The following NXPE2 variants were observed in gnomAD, a reference collection of about 807,000 sequenced individuals.
The protein encoded by NXPE2 is NXPE family member 2.
In NXPE2, 34 loss-of-function variants were observed where a neutral mutation model predicts 34.4. That is an observed-to-expected ratio of 0.99 (90% confidence interval 0.75 to 1.31). NXPE2 has a LOEUF of 1.31. NXPE2 is among the 40% of genes most tolerant of loss of function. The pLI is 0.00. For missense variants in NXPE2, 649 were observed against 672.5 expected, an observed-to-expected ratio of 0.97 and a Z score of 0.39; for synonymous variants, 235 against 231.3, an observed-to-expected ratio of 1.02 and a Z score of -0.15.
chr11:114,685,780 G>A (rs531371153), intron 2 of NXPE2, among the ~76,000 whole-genome samples: 2 of 152,186 alleles, frequency 1.3e-5, no homozygotes, highest in Admixed American at 1.3e-4. Flanking sequence ...CTAATTTTAA[G>A]GGTCTAGCAC....
At chr11:114,484,272 G>A in the NXPE2 span, among the ~76,000 whole-genome samples, 4 of 152,200 alleles carry the variant, frequency 2.6e-5, no homozygotes, top group African/African-American at 9.7e-5. Context: ...AGTGGAAAGT[G>A]AAATTCAAGT....
chr11:114,507,155 C>G, the NXPE2 span, among the ~76,000 whole-genome samples: 1 of 151,660 alleles, frequency 6.6e-6, no homozygotes, highest in East Asian at 1.9e-4. Flanking sequence ...CACATACACA[C>G]TCCCAAGACT....
the NXPE2 span, among the ~76,000 whole-genome samples, chr11:114,550,912 A>G: frequency 6.6e-6 from 1 of 152,162 alleles, no homozygotes; most frequent in Admixed American, 6.5e-5. Context: ...ACTGAGGATG[A>G]ATGGGAAATG....
chr11:114,657,713 T>C, the NXPE2 span, among the ~76,000 whole-genome samples: 24 of 152,156 alleles, frequency 1.6e-4, no homozygotes, highest in Non-Finnish European at 2.9e-4. Flanking sequence ...AAATAGTCCA[T>C]AGATCATAAA....
chr11:114,571,419 A>G, the NXPE2 span: 17,604 of 1,612,114 alleles, frequency 0.011, 122 homozygotes, highest in Non-Finnish European at 0.014. Context: ...ATCCAAATCC[A>G]CAGCAAGCTG....
chr11:114,666,124 A>G, the NXPE2 span, among the ~76,000 whole-genome samples: 1 of 152,130 alleles, frequency 6.6e-6, no homozygotes, highest in African/African-American at 2.4e-5. Flanking sequence ...ATCTTTAGAC[A>G]GCCATGCCAT....
At chr11:114,701,917 G>T (rs982846404) in intron 3 of NXPE2, among the ~76,000 whole-genome samples, 4 of 152,162 alleles carry the variant, frequency 2.6e-5, no homozygotes, top group South Asian at 4.1e-4. Context: ...CTGAATGCAG[G>T]ACTTAAGCAT....
At chr11:114,769,993 T>C in the NXPE2 span, among the ~76,000 whole-genome samples, 3 of 152,108 alleles carry the variant, frequency 2.0e-5, no homozygotes, top group African/African-American at 2.4e-5. Flanking sequence ...ACCTGGAACA[T>C]AATAATTTGT....
At chr11:114,570,627 C>T in the NXPE2 span, 1 of 195,186 alleles carries the variant, frequency 5.1e-6, no homozygotes, top group Non-Finnish European at 1.0e-5. Context: ...ATTACTTTAT[C>T]ACTCTGAGTT....
chr11:114,709,406 T>G (rs1859568520), downstream of NXPE2, among the ~76,000 whole-genome samples: 1 of 152,214 alleles, frequency 6.6e-6, no homozygotes, highest in Admixed American at 6.5e-5. Context: ...TTACTTCTTG[T>G]TTATTTTTTA....
chr11:114,741,975 A>G, the NXPE2 span, among the ~76,000 whole-genome samples: 1 of 152,108 alleles, frequency 6.6e-6, no homozygotes, highest in Non-Finnish European at 1.5e-5. Context: ...ACCTTTGCCA[A>G]TCAGCCCAAC....
At chr11:114,499,614 AT>A in the NXPE2 span, among the ~76,000 whole-genome samples, 1 of 152,180 alleles carries the variant, frequency 6.6e-6, no homozygotes, top group Non-Finnish European at 1.5e-5. Context: ...AATTAGATGA[AT>A]TTTTTAATGA....
the NXPE2 span, among the ~76,000 whole-genome samples, chr11:114,757,572 C>A: frequency 1.3e-5 from 2 of 152,068 alleles, no homozygotes; most frequent in African/African-American, 4.8e-5. Flanking sequence ...ATATTGTTAC[C>A]CCCATTAGTG....
the NXPE2 span, among the ~76,000 whole-genome samples, chr11:114,774,781 G>A: frequency 6.6e-6 from 1 of 152,128 alleles, no homozygotes; most frequent in Non-Finnish European, 1.5e-5. Context: ...TGCAAGGCGT[G>A]GAGAGAAGCC....
chr11:114,620,250 T>A, the NXPE2 span, among the ~76,000 whole-genome samples: 1 of 152,128 alleles, frequency 6.6e-6, no homozygotes. Context: ...TAATAATTAT[T>A]GCCTCGTGGG....
At chr11:114,590,389 C>G in the NXPE2 span, among the ~76,000 whole-genome samples, 1 of 152,170 alleles carries the variant, frequency 6.6e-6, no homozygotes, top group African/African-American at 2.4e-5. Context: ...CCTCCTTCCC[C>G]CTCCCTAAAA....
chr11:114,469,585 G>A, the NXPE2 span, among the ~76,000 whole-genome samples: 3 of 151,712 alleles, frequency 2.0e-5, no homozygotes, highest in Admixed American at 2.0e-4. Flanking sequence ...CGCCTCCCGG[G>A]TTCAAGCAAT....
chr11:114,520,304 T>G, the NXPE2 span, among the ~76,000 whole-genome samples: 2 of 152,198 alleles, frequency 1.3e-5, no homozygotes, highest in African/African-American at 4.8e-5. Context: ...CTACCCTGTT[T>G]CTATGTGTAG....
chr11:114,592,194 A>C, the NXPE2 span, among the ~76,000 whole-genome samples: 11 of 152,176 alleles, frequency 7.2e-5, no homozygotes, highest in Non-Finnish European at 1.0e-4. Flanking sequence ...CAGAGAAATA[A>C]ATAAAGGGCA....
Sources: gnomAD v4.1 joint callset for allele counts (sites outside exome capture counted in the v4.1 genomes callset) on GRCh38, gnomAD v4.1.1 for gene constraint, MANE v1.5 for transcripts, NCBI Gene and HGNC (gene_info 2026-07-23, HGNC 2026-07-21) for gene names.